The following RBFOX1 variants were observed in gnomAD, a reference collection of about 807,000 sequenced individuals.
RBFOX1 encodes RNA binding fox-1 homolog 1.
RBFOX1 carries 8 observed loss-of-function variants against 57.7 expected under a neutral mutation model. The observed-to-expected ratio is 0.14, with a 90% CI of 0.08 to 0.25. The LOEUF (loss-of-function observed/expected upper bound fraction) is 0.25, where lower values mean the gene tolerates loss of function less well. Ranked by LOEUF, RBFOX1 falls within the 10% of genes least tolerant of loss-of-function variation. RBFOX1 has a pLI of 1.00. For synonymous variants in RBFOX1, 326 were observed against 222.4 expected (o/e 1.47, Z -4.15); for missense variants, 611 against 548.5 (o/e 1.11, Z -1.14).
chr16:5,829,684 G>C (rs546762595), intron 3 of RBFOX1, among the ~76,000 whole-genome samples: 2 of 134,774 alleles, frequency 1.5e-5, no homozygotes, highest in African/African-American at 2.8e-5. Context: ...AGGCATTGAC[G>C]CAAGAGAACA....
intron 1 of RBFOX1, among the ~76,000 whole-genome samples, chr16:6,095,629 C>A (rs1423026323): frequency 6.6e-6 from 1 of 151,936 alleles, no homozygotes; most frequent in Non-Finnish European, 1.5e-5. Flanking sequence ...GTGCAAAGAA[C>A]TTGGGAAGCA....
intron 14 of RBFOX1, among the ~76,000 whole-genome samples, chr16:7,685,044 A>G (rs1440317775): frequency 6.6e-6 from 1 of 152,040 alleles, no homozygotes; most frequent in African/African-American, 2.4e-5. Context: ...TTCCAGACCA[A>G]CACCATTGGG....
intron 4 of RBFOX1, among the ~76,000 whole-genome samples, chr16:5,922,984 A>G (rs1178364089): frequency 6.6e-6 from 1 of 152,168 alleles, no homozygotes; most frequent in African/African-American, 2.4e-5. Context: ...GATGTGGAGG[A>G]CAGAGAAAGC....
intron 1 of RBFOX1, among the ~76,000 whole-genome samples, chr16:5,430,025 G>A (rs1306563630): frequency 6.6e-6 from 1 of 152,168 alleles, no homozygotes; most frequent in Non-Finnish European, 1.5e-5. Context: ...TGCAAAAGGA[G>A]TTTGGTTTTA....
chr16:5,368,994 C>T (rs1383834875), intron 1 of RBFOX1, among the ~76,000 whole-genome samples: 1 of 152,194 alleles, frequency 6.6e-6, no homozygotes, highest in African/African-American at 2.4e-5. Flanking sequence ...GAAATGAAGA[C>T]CACAGTGGTT....
At chr16:5,775,662 G>T (rs2054123167) in intron 3 of RBFOX1, among the ~76,000 whole-genome samples, 1 of 152,092 alleles carries the variant, frequency 6.6e-6, no homozygotes, top group Admixed American at 6.6e-5. Context: ...GCCACTTCAG[G>T]GCTCCAGGAA....
At chr16:7,069,238 C>T (rs1278944860) in intron 4 of RBFOX1, among the ~76,000 whole-genome samples, 1 of 152,024 alleles carries the variant, frequency 6.6e-6, no homozygotes, top group East Asian at 1.9e-4. Context: ...GCAGGATGTG[C>T]AGGTTTGTTA....
At chr16:6,998,889 G>T (rs1383009637) in intron 3 of RBFOX1, among the ~76,000 whole-genome samples, 2 of 151,208 alleles carry the variant, frequency 1.3e-5, no homozygotes, top group Non-Finnish European at 2.9e-5. Flanking sequence ...ATTATTTTGC[G>T]ACTGAGTTTC....
chr16:5,736,017 G>A (rs1208393258), intron 3 of RBFOX1, among the ~76,000 whole-genome samples: 7 of 152,088 alleles, frequency 4.6e-5, no homozygotes, highest in African/African-American at 1.2e-4. Flanking sequence ...CTCTTCCTGT[G>A]TTCAGAGGAA....
intron 1 of RBFOX1, among the ~76,000 whole-genome samples, chr16:5,285,897 G>T (rs11644743): frequency 6.6e-6 from 1 of 151,984 alleles, no homozygotes; most frequent in Non-Finnish European, 1.5e-5. Context: ...TCAGCCTCCT[G>T]AGTAGCTGGG....
At chr16:5,619,307 G>A (rs1025251634) in intron 3 of RBFOX1, among the ~76,000 whole-genome samples, 2 of 152,130 alleles carry the variant, frequency 1.3e-5, no homozygotes, top group Non-Finnish European at 2.9e-5. Context: ...CTCTGACCCT[G>A]GAACGGAGGG....
chr16:7,640,946 G>A (rs1450743572), intron 11 of RBFOX1, among the ~76,000 whole-genome samples: 2 of 151,294 alleles, frequency 1.3e-5, no homozygotes, highest in Admixed American at 6.6e-5. Context: ...AGAGCTCTGA[G>A]CAGGTAAGTT....
chr16:6,062,901 G>T (rs1385463041), intron 1 of RBFOX1, among the ~76,000 whole-genome samples: 1 of 152,210 alleles, frequency 6.6e-6, no homozygotes, highest in East Asian at 1.9e-4. Flanking sequence ...AGGCCAGCTG[G>T]CTGGAAACTC....
intron 5 of RBFOX1, among the ~76,000 whole-genome samples, chr16:7,576,557 C>G (rs17144144): frequency 0.31 from 47,452 of 151,852 alleles, 8,733 homozygotes; most frequent in East Asian, 0.53. Context: ...ACAGTTTATA[C>G]GCATTTGTAT....
chr16:7,034,473 C>G (rs2043706262), intron 3 of RBFOX1, among the ~76,000 whole-genome samples: 2 of 152,080 alleles, frequency 1.3e-5, no homozygotes, highest in South Asian at 4.1e-4. Flanking sequence ...TGGGCTCCAG[C>G]TGGCTGAAAG....
At chr16:7,437,818 G>T (rs1010762350) in intron 4 of RBFOX1, among the ~76,000 whole-genome samples, 1 of 151,578 alleles carries the variant, frequency 6.6e-6, no homozygotes, top group Non-Finnish European at 1.5e-5. Flanking sequence ...TGTGCTGGTC[G>T]GCCCCTTCTG....
intron 12 of RBFOX1, among the ~76,000 whole-genome samples, 161 bp downstream of exon 12, chr16:7,654,108 T>C (rs2065753144): frequency 6.6e-6 from 1 of 152,040 alleles, no homozygotes; most frequent in South Asian, 2.1e-4. Flanking sequence ...TGGAGCACCT[T>C]GCTAAGAGTA....
At chr16:6,427,079 GT>G (rs1301518980) in intron 2 of RBFOX1, among the ~76,000 whole-genome samples, 1 of 152,190 alleles carries the variant, frequency 6.6e-6, no homozygotes, top group Non-Finnish European at 1.5e-5. Context: ...GTAGGGAAGG[GT>G]TGATATGCTG....
intron 4 of RBFOX1, among the ~76,000 whole-genome samples, chr16:7,228,346 T>C (rs2093282345): frequency 6.6e-6 from 1 of 152,208 alleles, no homozygotes; most frequent in Non-Finnish European, 1.5e-5. Context: ...GGTTCCTTTT[T>C]ATCTTCTCCT....
Sources: gnomAD v4.1 joint callset for allele counts (sites outside exome capture counted in the v4.1 genomes callset) on GRCh38, gnomAD v4.1.1 for gene constraint, MANE v1.5 for transcripts, NCBI Gene and HGNC (gene_info 2026-07-23, HGNC 2026-07-21) for gene names.